Variants in DLG2 observed in about 807,000 individuals in gnomAD.
DLG2 encodes disks large homolog 2.
In DLG2, 45 loss-of-function variants were observed where a neutral mutation model predicts 132.5. The ratio of observed to expected loss-of-function variants is 0.34; its 90% CI spans 0.27 to 0.44. DLG2 has a LOEUF of 0.44. DLG2 is among the 20% of genes least tolerant of loss of function. DLG2 has a pLI of 1.00. For missense variants in DLG2, 1,045 were observed against 1,196.9 expected, an observed-to-expected ratio of 0.87 and a Z score of 1.87; for synonymous variants, 424 against 419.6, an observed-to-expected ratio of 1.01 and a Z score of -0.13.
intron 7 of DLG2, among the ~76,000 whole-genome samples, chr11:84,471,119 A>G (rs1477411998): frequency 1.3e-5 from 2 of 151,722 alleles, no homozygotes; most frequent in Non-Finnish European, 2.9e-5. Context: ...CCCATCAGCT[A>G]GTAACATTCT....
chr11:84,444,241 G>T (rs1438655670), intron 7 of DLG2, among the ~76,000 whole-genome samples: 1 of 152,116 alleles, frequency 6.6e-6, no homozygotes, highest in Non-Finnish European at 1.5e-5. Context: ...GAAAGGGGGA[G>T]CATCAGGAAG....
rs2059694332 is a variant in DLG2, at chr11:85,017,784, CTTGAAGAACACAT to C, written c.357+93864_357+93876del. ...TATAGGATGCAAACAAACACTTGCC[CTTGAAGAACACAT>C]TTGCCCCAATTACCCTTCCTTCTCT... On this transcript the variant is annotated intron_variant, in intron 6 of 27. Coordinates refer to ENST00000376104, the MANE Select transcript of DLG2 (RefSeq NM_001142699.3). Among the ~76,000 whole-genome samples, 12 of 152,232 alleles carry C rather than the reference CTTGAAGAACACAT, an allele frequency of 7.9e-5. No homozygotes were observed. The South Asian group carries it at 2.5e-3, about 32-fold the overall frequency.
chr11:84,726,593 T>C (rs911075466), intron 6 of DLG2, among the ~76,000 whole-genome samples: 2 of 152,176 alleles, frequency 1.3e-5, no homozygotes, highest in African/African-American at 4.8e-5. Context: ...TGTGTCTTTA[T>C]AGTAGAATGA....
chr11:84,388,114 TAAC>T (rs2098778284), intron 7 of DLG2, among the ~76,000 whole-genome samples: 1 of 152,248 alleles, frequency 6.6e-6, no homozygotes, highest in Middle Eastern at 3.4e-3. Context: ...GGACGTATAA[TAAC>T]AAACAGCCTC....
At chr11:85,303,427 G>A (rs955154452) in intron 3 of DLG2, among the ~76,000 whole-genome samples, 1 of 151,996 alleles carries the variant, frequency 6.6e-6, no homozygotes, top group Non-Finnish European at 1.5e-5. Context: ...TTAGAATATG[G>A]GAACATACAT....
rs981082909 is a variant in DLG2 at position 83,990,260 on chromosome 11, T to C, written c.920-9618A>G. On this transcript the variant is annotated intron_variant, in intron 11 of 27. Coordinates refer to ENST00000376104, the MANE Select transcript of DLG2 (RefSeq NM_001142699.3). ...TAAAAATGACCTGTTTGGCAATCACTTGACGCACATACAGAATTTCAGGAT... is the reference window on the plus strand; with the variant it reads ...TAAAAATGACCTGTTTGGCAATCACCTGACGCACATACAGAATTTCAGGAT... Among the ~76,000 whole-genome samples the C allele has an allele frequency of 3.3e-5, 5 of 152,296 alleles. 1 individual carries two copies. The highest frequency in any genetic ancestry group is 1.2e-4 in the African/African-American group (5 of 41,574).
At chr11:84,541,185 TATTATAATA>T (rs767183770) in intron 6 of DLG2, among the ~76,000 whole-genome samples, 4 of 87,436 alleles carry the variant, frequency 4.6e-5, no homozygotes, top group East Asian at 2.2e-4. Context: ...GAACTTGAAG[TATTATAATA>T]ATAATAATAA....
chr11:85,404,860 T>C (rs1253879054), intron 3 of DLG2, among the ~76,000 whole-genome samples: 1 of 152,002 alleles, frequency 6.6e-6, no homozygotes, highest in African/African-American at 2.4e-5. Flanking sequence ...TTGAGGCATG[T>C]CTGAGAGGCT....
chr11:83,866,018 T>C (rs1465670544), intron 16 of DLG2, among the ~76,000 whole-genome samples: 1 of 152,116 alleles, frequency 6.6e-6, no homozygotes, highest in Non-Finnish European at 1.5e-5. Context: ...ATGACCTCCC[T>C]GACCACCCCG....
chr11:85,503,559 G>C (rs2093854429), intron 3 of DLG2, among the ~76,000 whole-genome samples: 1 of 152,006 alleles, frequency 6.6e-6, no homozygotes, highest in Non-Finnish European at 1.5e-5. Context: ...GGATAATGAA[G>C]GTTCTGCCTT....
chr11:84,703,966 T>TTG (rs1266142438), intron 6 of DLG2, among the ~76,000 whole-genome samples: 3 of 148,954 alleles, frequency 2.0e-5, no homozygotes, highest in Non-Finnish European at 1.5e-5. Context: ...TAGCACATTA[T>TTG]TATATTGTTT....
At chr11:84,590,518 G>C (rs987366548) in intron 6 of DLG2, among the ~76,000 whole-genome samples, 5 of 152,134 alleles carry the variant, frequency 3.3e-5, no homozygotes, top group African/African-American at 1.2e-4. Flanking sequence ...AGTATCTAGA[G>C]TAACAAAACT....
At chr11:83,811,714 A>C (rs1330389427) in intron 17 of DLG2, among the ~76,000 whole-genome samples, 1 of 152,162 alleles carries the variant, frequency 6.6e-6, no homozygotes, top group Non-Finnish European at 1.5e-5. Flanking sequence ...AAGGGACATT[A>C]AAGTCTTATG....
chr11:85,196,789 A>G (rs1052087826), intron 4 of DLG2, among the ~76,000 whole-genome samples: 1 of 152,208 alleles, frequency 6.6e-6, no homozygotes, highest in African/African-American at 2.4e-5. Context: ...ACTTTTAACT[A>G]CATGTGGAAA....
intron 18 of DLG2, among the ~76,000 whole-genome samples, chr11:83,753,757 G>T (rs2093450366): frequency 2.2e-5 from 3 of 133,788 alleles, no homozygotes; most frequent in African/African-American, 8.7e-5. Flanking sequence ...TTTCATATAT[G>T]TAATATATAT....
chr11:84,184,892 A>T (rs1163882344), intron 8 of DLG2, among the ~76,000 whole-genome samples: 1 of 152,092 alleles, frequency 6.6e-6, no homozygotes, highest in African/African-American at 2.4e-5. Flanking sequence ...GATATGCGAC[A>T]TTATTTCTGA....
intron 18 of DLG2, among the ~76,000 whole-genome samples, chr11:83,724,476 T>TGAGA (rs59782952): frequency 0.041 from 4,816 of 117,996 alleles, 112 homozygotes; most frequent in African/African-American, 0.046. Flanking sequence ...TGTGTGTGTG[T>TGAGA]GAGAGAGAGA....
At chr11:83,546,986 A>G (rs1304699798) in intron 19 of DLG2, among the ~76,000 whole-genome samples, 3 of 152,144 alleles carry the variant, frequency 2.0e-5, no homozygotes, top group African/African-American at 7.2e-5. Context: ...TCTAAGACCT[A>G]TGAATTTCCT....
rs2061182105 is a variant in DLG2, at chr11:84,716,026, C to T, written c.358-181295G>A. Among the ~76,000 whole-genome samples the T allele has an allele frequency of 3.9e-5, 6 of 152,164 alleles. No individual in the cohort carries two copies. In the South Asian group the frequency reaches 1.2e-3, roughly 32 times the overall value. ...TTATCACACTAATTTACATTCTCAC[C>T]AACAGTGTACATAGGTTCCCTTTTC... On this transcript the variant is annotated intron_variant, in intron 6 of 27. Coordinates refer to ENST00000376104, the MANE Select transcript of DLG2 (RefSeq NM_001142699.3).
Sources: allele counts gnomAD v4.1 joint callset (sites outside exome capture counted in the v4.1 genomes callset), GRCh38; gene constraint gnomAD v4.1.1; transcripts MANE v1.5; gene names NCBI Gene and HGNC (gene_info 2026-07-23, HGNC 2026-07-21).